The following SHISA6 variants were observed in gnomAD, a reference collection of about 807,000 sequenced individuals.
SHISA6 encodes protein shisa-6.
SHISA6 carries 22 observed loss-of-function variants against 47.9 expected under a neutral mutation model. The observed-to-expected ratio is 0.46, with a 90% CI of 0.33 to 0.66. The LOEUF is 0.66. SHISA6 is among the 30% of genes least tolerant of loss of function. The probability of loss-of-function intolerance (pLI) is 0.02; values close to 1 mark genes in which losing one functional copy is unlikely to be tolerated. For synonymous variants in SHISA6, 388 were observed against 337.8 expected (o/e 1.15, Z -1.63); for missense variants, 680 against 764.6 (o/e 0.89, Z 1.30).
chr17:11,319,018 T>G (rs1910616239), intron 2 of SHISA6, among the ~76,000 whole-genome samples: 1 of 152,072 alleles, frequency 6.6e-6, no homozygotes, highest in African/African-American at 2.4e-5. Flanking sequence ...ATTCAGCTCT[T>G]CATTGGTTTT....
chr17:11,252,806 G>A (rs1907864970), intron 1 of SHISA6, among the ~76,000 whole-genome samples: 1 of 152,198 alleles, frequency 6.6e-6, no homozygotes, highest in Non-Finnish European at 1.5e-5. Context: ...AAAAGCTGAG[G>A]CTGCTCCAGA....
At chr17:11,448,943 A>G (rs1015198214) in intron 3 of SHISA6, among the ~76,000 whole-genome samples, 11 of 152,110 alleles carry the variant, frequency 7.2e-5, no homozygotes, top group African/African-American at 2.7e-4. Flanking sequence ...TTTGACTTCT[A>G]TGTTCTACTC....
chr17:11,444,457 T>G, intron 3 of SHISA6, among the ~76,000 whole-genome samples: 1 of 152,144 alleles, frequency 6.6e-6, no homozygotes, highest in South Asian at 2.1e-4. Flanking sequence ...CTTTGAGGGA[T>G]TATGGAGAAA....
intron 2 of SHISA6, among the ~76,000 whole-genome samples, chr17:11,364,909 G>A (rs978043879): frequency 1.3e-5 from 2 of 152,118 alleles, no homozygotes; most frequent in African/African-American, 4.8e-5. Flanking sequence ...GTGTAAGGTG[G>A]TATTACATTA....
At chr17:11,348,314 A>G (rs1288856915) in intron 2 of SHISA6, among the ~76,000 whole-genome samples, 1 of 152,210 alleles carries the variant, frequency 6.6e-6, no homozygotes, top group Non-Finnish European at 1.5e-5. Flanking sequence ...AAGAACATAC[A>G]TGATTCTCAA....
chr17:11,410,821 C>G (rs1480499707), intron 3 of SHISA6, among the ~76,000 whole-genome samples: 1 of 152,164 alleles, frequency 6.6e-6, no homozygotes, highest in African/African-American at 2.4e-5. Context: ...ATCAGAAAAT[C>G]TGGGGTTGGG....
chr17:11,406,128 C>A (rs1913949369), intron 3 of SHISA6, among the ~76,000 whole-genome samples: 1 of 152,142 alleles, frequency 6.6e-6, no homozygotes, highest in South Asian at 2.1e-4. Flanking sequence ...GGCTTCTTGG[C>A]TTCTCTGTCT....
At chr17:11,556,022 T>C (rs1597585236) in intron 5 of SHISA6, 130 bp downstream of exon 5, 17 of 1,198,230 alleles carry the variant, frequency 1.4e-5, no homozygotes, top group Non-Finnish European at 1.9e-5. Flanking sequence ...AGTTGCAGGA[T>C]GAGAGAAGAG....
At chr17:11,431,072 A>G (rs1914758888) in intron 3 of SHISA6, among the ~76,000 whole-genome samples, 1 of 152,198 alleles carries the variant, frequency 6.6e-6, no homozygotes, top group African/African-American at 2.4e-5. Flanking sequence ...GGACTGAAGC[A>G]TAGATTATGA....
At chr17:11,363,676 C>T (rs759883893) in intron 2 of SHISA6, among the ~76,000 whole-genome samples, 3 of 152,080 alleles carry the variant, frequency 2.0e-5, no homozygotes, top group East Asian at 1.9e-4. Context: ...AGGTGGGACT[C>T]GACTTCAGAC....
At chr17:11,457,708 TC>T (rs1421786465) in intron 3 of SHISA6, among the ~76,000 whole-genome samples, 2 of 139,378 alleles carry the variant, frequency 1.4e-5, no homozygotes, top group African/African-American at 5.5e-5. Context: ...GCCATTGCAC[TC>T]CAGTCTGGGT....
chr17:11,340,810 A>T (rs1395920073), intron 2 of SHISA6, among the ~76,000 whole-genome samples: 1 of 152,226 alleles, frequency 6.6e-6, no homozygotes, highest in Non-Finnish European at 1.5e-5. Flanking sequence ...AGAATAGTGG[A>T]CACTGCAGTG....
chr17:11,297,142 C>G (rs567452041), intron 2 of SHISA6, among the ~76,000 whole-genome samples: 1 of 152,090 alleles, frequency 6.6e-6, no homozygotes, highest in East Asian at 1.9e-4. Flanking sequence ...GAATCAAGAA[C>G]GTACCTCTTA....
chr17:11,325,219 T>A (rs908947276), intron 2 of SHISA6, among the ~76,000 whole-genome samples: 2 of 152,200 alleles, frequency 1.3e-5, no homozygotes, highest in African/African-American at 4.8e-5. Context: ...GATGCTGGCC[T>A]CTGTGTTTCA....
At chr17:11,404,724 G>C (rs1913891616) in intron 3 of SHISA6, among the ~76,000 whole-genome samples, 1 of 152,202 alleles carries the variant, frequency 6.6e-6, no homozygotes, top group South Asian at 2.1e-4. Context: ...AGTGCAAGGA[G>C]ATTTAAACTC....
At chr17:11,277,415 G>A (rs1238014988) in intron 2 of SHISA6, among the ~76,000 whole-genome samples, 2 of 151,872 alleles carry the variant, frequency 1.3e-5, no homozygotes. Flanking sequence ...AATCAATAAT[G>A]ATGCATTGGA....
intron 3 of SHISA6, among the ~76,000 whole-genome samples, chr17:11,391,103 A>T (rs1048603066): frequency 2.6e-5 from 4 of 152,164 alleles, no homozygotes; most frequent in Non-Finnish European, 5.9e-5. Flanking sequence ...CAGGTATTTC[A>T]GGTGGGGGAG....
chr17:11,540,502 T>G (rs983033082), intron 3 of SHISA6, among the ~76,000 whole-genome samples: 4 of 152,204 alleles, frequency 2.6e-5, no homozygotes, highest in African/African-American at 9.7e-5. Flanking sequence ...CAGGCCCAGT[T>G]TGGCTAAAGC....
At chr17:11,313,419 A>C (rs1308703883) in intron 2 of SHISA6, among the ~76,000 whole-genome samples, 2 of 152,146 alleles carry the variant, frequency 1.3e-5, no homozygotes, top group Non-Finnish European at 2.9e-5. Flanking sequence ...GAATTCCTGT[A>C]GCTGCTAAGG....
Sources: allele counts gnomAD v4.1 joint callset (sites outside exome capture counted in the v4.1 genomes callset), GRCh38; gene constraint gnomAD v4.1.1; transcripts MANE v1.5; gene names NCBI Gene and HGNC (gene_info 2026-07-23, HGNC 2026-07-21).